LRRC4C: variants seen among roughly 807,000 people sequenced by gnomAD.
LRRC4C encodes leucine-rich repeat-containing protein 4C.
A neutral mutation model predicts 33.6 loss-of-function variants in LRRC4C; 5 were observed. The ratio of observed to expected loss-of-function variants is 0.15; its 90% confidence interval spans 0.08 to 0.31. The LOEUF (loss-of-function observed/expected upper bound fraction) is 0.31. Among genes scored for constraint, LRRC4C ranks in the 10% least tolerant of loss-of-function variants. The pLI is 1.00. For synonymous variants in LRRC4C, 329 were observed against 302.0 expected, an observed-to-expected ratio of 1.09 and a Z score of -0.93; for missense variants, 560 against 796.7, an observed-to-expected ratio of 0.70 and a Z score of 3.58.
At chr11:40,437,484 G>C (rs11035838) in intron 3 of LRRC4C, among the ~76,000 whole-genome samples, 56,772 of 149,370 alleles carry the variant, frequency 0.38, 11,346 homozygotes, top group East Asian at 0.53. Context: ...GCCTCTGCCC[G>C]CCATGTTCCA....
chr11:40,189,520 C>A (rs1861664995), intron 5 of LRRC4C, among the ~76,000 whole-genome samples: 1 of 152,156 alleles, frequency 6.6e-6, no homozygotes, highest in South Asian at 2.1e-4. Context: ...CTTCTTCGAA[C>A]CCTTCTATAA....
intron 1 of LRRC4C, among the ~76,000 whole-genome samples, chr11:41,409,669 G>C (rs1217608324): frequency 6.6e-6 from 1 of 152,054 alleles, no homozygotes; most frequent in African/African-American, 2.4e-5. Flanking sequence ...CTAAAGGTGA[G>C]GGGGTCTATA....
At chr11:41,366,294 G>A in intron 1 of LRRC4C, among the ~76,000 whole-genome samples, 1 of 151,882 alleles carries the variant, frequency 6.6e-6, no homozygotes. Context: ...ATTCCTGCCA[G>A]TCCACTCTAA....
chr11:40,670,312 C>T (rs1038976380), intron 2 of LRRC4C, among the ~76,000 whole-genome samples: 1 of 152,168 alleles, frequency 6.6e-6, no homozygotes, highest in African/African-American at 2.4e-5. Flanking sequence ...CCCTCTTGGG[C>T]CATTGGGAAT....
At chr11:40,335,316 A>T (rs770550705) in intron 3 of LRRC4C, among the ~76,000 whole-genome samples, 29 of 152,206 alleles carry the variant, frequency 1.9e-4, no homozygotes, top group Non-Finnish European at 4.1e-4. Flanking sequence ...ATATTTCTGA[A>T]TTAGAATTTA....
At chr11:40,850,563 C>T (rs1953430605) in intron 2 of LRRC4C, among the ~76,000 whole-genome samples, 1 of 152,166 alleles carries the variant, frequency 6.6e-6, no homozygotes, top group African/African-American at 2.4e-5. Flanking sequence ...TATCTGTCGA[C>T]CCCTGCTGGG....
chr11:40,966,314 A>G (rs927187930), intron 1 of LRRC4C, among the ~76,000 whole-genome samples: 3 of 151,940 alleles, frequency 2.0e-5, no homozygotes, highest in Admixed American at 1.3e-4. Flanking sequence ...CTGGCATTGA[A>G]GAAAGTGAGT....
At chr11:40,627,074 GTTTT>G (rs33969300) in intron 3 of LRRC4C, among the ~76,000 whole-genome samples, 16 of 112,428 alleles carry the variant, frequency 1.4e-4, no homozygotes, top group African/African-American at 4.1e-4. Flanking sequence ...CAGCTATACT[GTTTT>G]TTTTTTTTTT....
chr11:40,191,022 T>C (rs1283957580), intron 5 of LRRC4C, among the ~76,000 whole-genome samples: 1 of 152,172 alleles, frequency 6.6e-6, no homozygotes, highest in Non-Finnish European at 1.5e-5. Context: ...GCAGCTACTA[T>C]TGCTACTACT....
chr11:41,254,663 A>C (rs2136672545), intron 1 of LRRC4C, among the ~76,000 whole-genome samples: 1 of 152,080 alleles, frequency 6.6e-6, no homozygotes, highest in African/African-American at 2.4e-5. Flanking sequence ...CCTGAGGAAC[A>C]ATGTGTAAGG....
At position 40,952,353 on chromosome 11, in the gene LRRC4C, C is replaced by G. The variant is rs372360839; in HGVS notation, c.-495-18630G>C. On this transcript the variant is annotated intron_variant, in intron 1 of 6. Coordinates refer to ENST00000528697, the MANE Select transcript of LRRC4C (RefSeq NM_001258419.2). ...CAGGTTGGCTGGCTTCGAAAGCTAC[C>G]TTTAAAACTTTCTCTTCTTTCCCCC... Among the ~76,000 whole-genome samples the G allele has an allele frequency of 1.7e-3, 264 of 151,992 alleles. 1 individual carries two copies. Among genetic ancestry groups the G allele is most frequent in the African/African-American group, 6.2e-3 (256 of 41,506 alleles).
intron 2 of LRRC4C, among the ~76,000 whole-genome samples, chr11:40,780,844 T>C (rs1484771481): frequency 6.6e-6 from 1 of 151,720 alleles, no homozygotes; most frequent in Admixed American, 6.6e-5. Flanking sequence ...CAGGAGAATC[T>C]TATGCAGGTG....
At chr11:41,296,903 A>T (rs1565557824) in intron 1 of LRRC4C, among the ~76,000 whole-genome samples, 1 of 152,208 alleles carries the variant, frequency 6.6e-6, no homozygotes, top group Non-Finnish European at 1.5e-5. Context: ...TCAATATTTT[A>T]ATAAAATTCC....
chr11:40,824,431 CTAAA>C (rs986953909), intron 2 of LRRC4C, among the ~76,000 whole-genome samples: 8 of 151,536 alleles, frequency 5.3e-5, no homozygotes, highest in Non-Finnish European at 1.2e-4. Context: ...TAATTCTTTC[CTAAA>C]TAGAGTTTCA....
At chr11:40,466,932 G>T (rs1300768690) in intron 3 of LRRC4C, among the ~76,000 whole-genome samples, 1 of 152,008 alleles carries the variant, frequency 6.6e-6, no homozygotes, top group Admixed American at 6.6e-5. Flanking sequence ...TTTATGAAAT[G>T]AATATATGAT....
intron 1 of LRRC4C, among the ~76,000 whole-genome samples, chr11:41,401,643 G>A (rs1240023370): frequency 1.3e-5 from 2 of 151,904 alleles, no homozygotes; most frequent in Non-Finnish European, 2.9e-5. Flanking sequence ...ACCGGGAAGA[G>A]ACCTGATTTT....
intron 2 of LRRC4C, among the ~76,000 whole-genome samples, chr11:40,924,191 G>A (rs1957318754): frequency 6.6e-6 from 1 of 151,182 alleles, no homozygotes; most frequent in Non-Finnish European, 1.5e-5. Context: ...TTGTAGCAAG[G>A]ATCCAGTCCA....
chr11:40,271,971 T>G, intron 4 of LRRC4C, among the ~76,000 whole-genome samples: 1 of 152,194 alleles, frequency 6.6e-6, no homozygotes, highest in East Asian at 1.9e-4. Context: ...ATGTTCCTTT[T>G]GGTTCTATCT....
At chr11:40,936,345 T>TG (rs202159670) in intron 1 of LRRC4C, among the ~76,000 whole-genome samples, 1,856 of 144,576 alleles carry the variant, frequency 0.013, 51 homozygotes, top group African/African-American at 0.043. Context: ...TGTTTTTTTT[T>TG]TTTTTTTTTT....
Sources: gnomAD v4.1 joint callset for allele counts (sites outside exome capture counted in the v4.1 genomes callset) on GRCh38, gnomAD v4.1.1 for gene constraint, MANE v1.5 for transcripts, NCBI Gene and HGNC (gene_info 2026-07-23, HGNC 2026-07-21) for gene names.